EIF4G3: variants seen among roughly 807,000 people sequenced by gnomAD.
EIF4G3 encodes the protein eukaryotic translation initiation factor 4 gamma 3, also known as eIF-4-gamma 3.
A neutral mutation model predicts 186.4 loss-of-function variants in EIF4G3; 34 were observed. The ratio of observed to expected loss-of-function variants is 0.18; its 90% CI spans 0.14 to 0.24. The LOEUF is 0.24. Among genes scored for constraint, EIF4G3 ranks in the 10% least tolerant of loss-of-function variants. EIF4G3 has a pLI of 1.00. For synonymous variants in EIF4G3, 673 were observed against 679.5 expected (o/e 0.99, Z 0.15); for missense variants, 1,536 against 1,948.5 (o/e 0.79, Z 3.99).
At chr1:21,117,416 G>A (rs2096844452) in intron 2 of EIF4G3, among the ~76,000 whole-genome samples, 1 of 151,954 alleles carries the variant, frequency 6.6e-6, no homozygotes, top group Non-Finnish European at 1.5e-5. Flanking sequence ...AAAACCAAAT[G>A]CTGCAGTGTG....
At chr1:20,807,689 A>C (rs80189539) in intron 36 of EIF4G3, among the ~76,000 whole-genome samples, 189 bp from the exon 37 acceptor site, 40 of 152,248 alleles carry the variant, frequency 2.6e-4, no homozygotes, top group Non-Finnish European at 4.7e-4. Context: ...GAAGAGGAAA[A>C]AAAGATTGAA....
At chr1:20,908,618 C>T (rs984653768) in intron 14 of EIF4G3, among the ~76,000 whole-genome samples, 1 of 152,154 alleles carries the variant, frequency 6.6e-6, no homozygotes. Flanking sequence ...TAATACAAGT[C>T]ATCCCCATAA....
intron 4 of EIF4G3, among the ~76,000 whole-genome samples, chr1:21,021,789 C>T (rs986168759): frequency 7.2e-5 from 11 of 152,098 alleles, no homozygotes; most frequent in African/African-American, 2.7e-4. Context: ...CTCCTGAACT[C>T]AGGTGATCCA....
At chr1:21,127,815 A>C (rs1305137700) in intron 2 of EIF4G3, among the ~76,000 whole-genome samples, 2 of 152,242 alleles carry the variant, frequency 1.3e-5, no homozygotes, top group Admixed American at 1.3e-4. Flanking sequence ...TGTTAAAGAT[A>C]GATGTCTTAT....
At chr1:21,090,290 TA>T (rs2096143940) in intron 2 of EIF4G3, among the ~76,000 whole-genome samples, 2 of 152,212 alleles carry the variant, frequency 1.3e-5, no homozygotes, top group Non-Finnish European at 2.9e-5. Flanking sequence ...ATTTCAGAAA[TA>T]AATATAATTT....
Position 21,002,715 on chromosome 1 carries a change from G to A in EIF4G3, c.28C>T (p.Pro10Ser). Residue 10 changes from proline to serine, a missense_variant and splice_region_variant, in exon 5 of 37, where the codon CCG (proline) becomes TCG (serine). This residue lies in a region of EIF4G3 where 194 missense variants were observed against 212.8 expected (regional missense o/e 0.91). Transcript: ENST00000602326. ...GGTTCAAGCTTCTGCTTACTTACCG[G>A]AGAACGGGTTTGAGGTTGTGAATTC... is the stretch of plus-strand genomic sequence containing the variant. MNSQPQTRS[P>S]PSRTVPIHCT... 6 of 1,613,458 alleles carry A rather than the reference G, an allele frequency of 3.7e-6. No homozygotes were observed. The highest frequency in any genetic ancestry group is 5.1e-6 in the Non-Finnish European group (6 of 1,179,680).
At chr1:21,154,432 T>G (rs998089103) in intron 2 of EIF4G3, among the ~76,000 whole-genome samples, 1 of 152,222 alleles carries the variant, frequency 6.6e-6, no homozygotes, top group Non-Finnish European at 1.5e-5. Flanking sequence ...ACCTGCAACA[T>G]TCTACGAAAT....
chr1:21,100,322 TAC>T (rs2096487732), intron 2 of EIF4G3, among the ~76,000 whole-genome samples: 1 of 152,196 alleles, frequency 6.6e-6, no homozygotes, highest in South Asian at 2.1e-4. Context: ...TATAATTTAA[TAC>T]AGTTAACTGT....
At chr1:20,835,517 T>A (rs1454260689) in intron 30 of EIF4G3, among the ~76,000 whole-genome samples, 1 of 151,444 alleles carries the variant, frequency 6.6e-6, no homozygotes, top group East Asian at 1.9e-4. Context: ...AGACTCAAAA[T>A]AAGAAATGAA....
intron 5 of EIF4G3, among the ~76,000 whole-genome samples, chr1:21,001,666 G>GA (rs2083531937): frequency 6.6e-6 from 1 of 152,170 alleles, no homozygotes; most frequent in Admixed American, 6.5e-5. Context: ...CACCTCTTTA[G>GA]AATGGTTCCT....
At chr1:21,160,426 C>A (rs535290185) in intron 2 of EIF4G3, among the ~76,000 whole-genome samples, 28 of 152,196 alleles carry the variant, frequency 1.8e-4, no homozygotes, top group Middle Eastern at 3.4e-3. Context: ...AAATTGAGAA[C>A]CAAAGTTTGA....
intron 2 of EIF4G3, among the ~76,000 whole-genome samples, chr1:21,150,033 C>G (rs550351699): frequency 6.6e-6 from 1 of 152,368 alleles, no homozygotes; most frequent in South Asian, 2.1e-4. Context: ...ACAGCAGAAT[C>G]TACAGTATGG....
At chr1:21,155,906 C>A (rs2097651150) in intron 2 of EIF4G3, among the ~76,000 whole-genome samples, 1 of 152,114 alleles carries the variant, frequency 6.6e-6, no homozygotes, top group South Asian at 2.1e-4. Flanking sequence ...GCAGGAGGAT[C>A]ACTTGAGGTC....
intron 3 of EIF4G3, among the ~76,000 whole-genome samples, chr1:21,085,927 C>T (rs1471505487): frequency 1.3e-5 from 2 of 152,054 alleles, no homozygotes; most frequent in African/African-American, 2.4e-5. Flanking sequence ...CTCCTGACCT[C>T]GTGATCCGTC....
At chr1:21,007,584 T>TA (rs1393178176) in intron 4 of EIF4G3, among the ~76,000 whole-genome samples, 3 of 97,738 alleles carry the variant, frequency 3.1e-5, no homozygotes, top group African/African-American at 1.1e-4. Context: ...TGTCTATATA[T>TA]AAAAAAGGTG....
intron 2 of EIF4G3, among the ~76,000 whole-genome samples, chr1:21,157,657 T>C (rs776278920): frequency 2.2e-4 from 34 of 152,116 alleles, no homozygotes; most frequent in Admixed American, 4.6e-4. Context: ...TTGTATATTC[T>C]TCAATAGACA....
intron 2 of EIF4G3, among the ~76,000 whole-genome samples, chr1:21,131,418 G>T (rs561531622): frequency 7.4e-4 from 77 of 103,702 alleles, no homozygotes; most frequent in Non-Finnish European, 1.3e-3. Context: ...CTAAAAAAAA[G>T]AAATACTTGA....
chr1:21,114,685 A>G (rs2102251656), intron 2 of EIF4G3, among the ~76,000 whole-genome samples: 1 of 152,270 alleles, frequency 6.6e-6, no homozygotes. Flanking sequence ...GAATATTAAG[A>G]AGATGTATAT....
chr1:20,816,845 G>T (rs375127631), intron 34 of EIF4G3, among the ~76,000 whole-genome samples: 929 of 83,944 alleles, frequency 0.011, no homozygotes, highest in Non-Finnish European at 0.012. Context: ...ATGGTTGCCG[G>T]GTCTGTGTAG....
Sources: gnomAD v4.1 joint callset for allele counts (sites outside exome capture counted in the v4.1 genomes callset) on GRCh38, gnomAD v4.1.1 for gene constraint, gnomAD v4.1.1 regional missense constraint, MANE v1.5 for transcripts, NCBI Gene and HGNC (gene_info 2026-07-23, HGNC 2026-07-21) for gene names.